PDE6D: variants seen among roughly 807,000 people sequenced by gnomAD.
The protein encoded by PDE6D is retinal rod rhodopsin-sensitive cGMP 3',5'-cyclic phosphodiesterase subunit delta.
In PDE6D, 10 loss-of-function variants were observed where a neutral mutation model predicts 21.9. That is an observed-to-expected ratio of 0.46 (90% CI 0.28 to 0.78). The LOEUF (loss-of-function observed/expected upper bound fraction) is 0.78, where lower values mean the gene tolerates loss of function less well. Ranked by LOEUF, PDE6D falls within the 30% of genes least tolerant of loss-of-function variation. The probability of loss-of-function intolerance (pLI) is 0.12; values close to 1 mark genes in which losing one functional copy is unlikely to be tolerated. For synonymous variants in PDE6D, 59 were observed against 63.5 expected (o/e 0.93, Z 0.34); for missense variants, 139 against 184.8 (o/e 0.75, Z 1.44).
chr2:231,735,056 C>G (rs1207050756), intron 4 of PDE6D, among the ~76,000 whole-genome samples: 2 of 149,476 alleles, frequency 1.3e-5, no homozygotes, highest in Non-Finnish European at 3.0e-5. Context: ...TCCTGGCTAA[C>G]ATGGTGAAAC....
chr2:231,741,034 A>G (rs545725341), intron 1 of PDE6D, among the ~76,000 whole-genome samples: 24 of 142,228 alleles, frequency 1.7e-4, no homozygotes, highest in African/African-American at 5.7e-4. Context: ...GCTACTCAGG[A>G]GGCTGAGGCA....
chr2:231,763,596 A>T (rs899832368), intron 1 of PDE6D, among the ~76,000 whole-genome samples: 21 of 152,054 alleles, frequency 1.4e-4, no homozygotes, highest in South Asian at 4.1e-4. Context: ...ATAATAATTT[A>T]AAAAAACTTT....
chr2:231,743,010 C>T (rs886396796), intron 1 of PDE6D, among the ~76,000 whole-genome samples: 11 of 152,170 alleles, frequency 7.2e-5, no homozygotes, highest in Admixed American at 3.9e-4. Context: ...ATACCCTTTC[C>T]CATTGTTTGA....
chr2:231,757,622 G>A (rs2048893510), intron 1 of PDE6D, among the ~76,000 whole-genome samples: 2 of 152,130 alleles, frequency 1.3e-5, no homozygotes, highest in South Asian at 4.1e-4. Context: ...CCCCATATCA[G>A]TATGTAAATA....
chr2:231,759,574 G>C (rs1487347035), intron 1 of PDE6D, among the ~76,000 whole-genome samples: 1 of 152,136 alleles, frequency 6.6e-6, no homozygotes, highest in Non-Finnish European at 1.5e-5. Flanking sequence ...GCTGGAAAGG[G>C]ATAGAGAAGC....
intron 1 of PDE6D, among the ~76,000 whole-genome samples, chr2:231,769,617 AAC>A (rs1433388471): frequency 1.3e-5 from 2 of 151,356 alleles, no homozygotes; most frequent in African/African-American, 4.9e-5. Flanking sequence ...GACACACACA[AAC>A]ACACAGTTTC....
At chr2:231,772,986 C>T (rs566379756) in intron 1 of PDE6D, among the ~76,000 whole-genome samples, 1 of 152,280 alleles carries the variant, frequency 6.6e-6, no homozygotes, top group Middle Eastern at 3.4e-3. Context: ...GTCTGTAATC[C>T]TAGCACTTTG....
chr2:231,761,286 T>C (rs1368283046), intron 1 of PDE6D, among the ~76,000 whole-genome samples: 1 of 152,164 alleles, frequency 6.6e-6, no homozygotes, highest in Non-Finnish European at 1.5e-5. Flanking sequence ...GCCATTCTCC[T>C]GCCTCAGCCT....
intron 1 of PDE6D, among the ~76,000 whole-genome samples, chr2:231,746,672 TGAA>T: frequency 6.6e-6 from 1 of 152,000 alleles, no homozygotes; most frequent in East Asian, 1.9e-4. Flanking sequence ...ACCGGCCAGT[TGAA>T]GGAGGAAGAA....
intron 1 of PDE6D, among the ~76,000 whole-genome samples, chr2:231,757,521 A>T (rs1574627788): frequency 6.6e-6 from 1 of 151,544 alleles, no homozygotes; most frequent in East Asian, 2.0e-4. Flanking sequence ...TAGTCTCCTG[A>T]CCTCAGGTGA....
At chr2:231,735,911 C>T (rs2106259568) in intron 4 of PDE6D, among the ~76,000 whole-genome samples, 1 of 151,880 alleles carries the variant, frequency 6.6e-6, no homozygotes, top group Middle Eastern at 3.4e-3. Flanking sequence ...GCCTGTAATC[C>T]CAGCTACTTG....
chr2:231,764,905 T>C (rs968904994), intron 1 of PDE6D, among the ~76,000 whole-genome samples: 1 of 152,214 alleles, frequency 6.6e-6, no homozygotes, highest in Non-Finnish European at 1.5e-5. Flanking sequence ...GGAGAGTTCA[T>C]TAGAATTCTC....
At chr2:231,734,967 G>C (rs2048686196) in intron 4 of PDE6D, among the ~76,000 whole-genome samples, 1 of 151,514 alleles carries the variant, frequency 6.6e-6, no homozygotes, top group Non-Finnish European at 1.5e-5. Flanking sequence ...TTTAGGCCAG[G>C]CACGGTGGCT....
In PDE6D at chr2:231,752,322, A is replaced by G. The variant is rs551629575; in HGVS notation, c.51-13134T>C. On this transcript the variant is annotated intron_variant, in intron 1 of 4. Coordinates refer to ENST00000287600, the MANE Select transcript of PDE6D (RefSeq NM_002601.4). Reference sequence around the variant, plus strand: ...CACGTAGCAGCTGTGATCTTAGATCAGTCATTTAACCTGCCTGAGATTTAA... The same window carrying G: ...CACGTAGCAGCTGTGATCTTAGATCGGTCATTTAACCTGCCTGAGATTTAA... 2.1e-3 allele frequency among the ~76,000 whole-genome samples: 324 copies of G among 152,372 alleles called. 2 individuals carry two copies. The highest frequency in any genetic ancestry group is 0.01 in the Middle Eastern group (3 of 294).
intron 1 of PDE6D, among the ~76,000 whole-genome samples, chr2:231,751,794 C>T (rs1476403896): frequency 6.6e-6 from 1 of 152,116 alleles, no homozygotes; most frequent in Non-Finnish European, 1.5e-5. Context: ...CATGACCGAT[C>T]GATGCTGATG....
chr2:231,761,008 G>C (rs2048920556), intron 1 of PDE6D, among the ~76,000 whole-genome samples: 1 of 152,022 alleles, frequency 6.6e-6, no homozygotes, highest in Non-Finnish European at 1.5e-5. Flanking sequence ...TCAAGTACTA[G>C]CGTGTTGCCT....
chr2:231,754,162 C>A (rs191955459), intron 1 of PDE6D, among the ~76,000 whole-genome samples: 260 of 152,206 alleles, frequency 1.7e-3, no homozygotes, highest in Non-Finnish European at 2.9e-3. Context: ...GTGGAGGTAA[C>A]CATGACAGAG....
In PDE6D at chr2:231,738,211, G is replaced by C. The variant is rs533619029; in HGVS notation, c.140-73C>G. On this transcript the variant is annotated intron_variant, in intron 2 of 4. Transcript: ENST00000287600. ...AGGACTATGATGCTTCAAATTTCTG[G>C]GAGCTTCTTACAGCTGATTTAGAGA... 52 of 1,426,466 alleles carry C rather than the reference G, an allele frequency of 3.6e-5. No individual in the cohort carries two copies. The East Asian group carries it at 9.0e-4, about 25-fold the overall frequency. The allele number at this position is 1,426,466 out of a possible 1,614,324, so 88.4% of individuals were successfully genotyped here.
chr2:231,751,791 G>A (rs568621829), intron 1 of PDE6D, among the ~76,000 whole-genome samples: 2 of 152,148 alleles, frequency 1.3e-5, no homozygotes, highest in South Asian at 2.1e-4. Flanking sequence ...CAACATGACC[G>A]ATCGATGCTG....
Sources: gnomAD v4.1 joint callset for allele counts (sites outside exome capture counted in the v4.1 genomes callset) on GRCh38, gnomAD v4.1.1 for gene constraint, MANE v1.5 for transcripts, NCBI Gene and HGNC (gene_info 2026-07-23, HGNC 2026-07-21) for gene names.